The following DOK7 variants were observed in gnomAD, a reference collection of about 807,000 sequenced individuals.
The protein encoded by DOK7 is protein Dok-7.
A neutral mutation model predicts 30.7 loss-of-function variants in DOK7; 32 were observed. The observed-to-expected ratio is 1.04, with a 90% confidence interval of 0.79 to 1.40. DOK7 has a LOEUF of 1.40. Ranked by LOEUF, DOK7 falls within the 40% of genes most tolerant of loss-of-function variation. The pLI is 0.00. For synonymous variants in DOK7, 447 were observed against 324.1 expected (o/e 1.38, Z -4.07); for missense variants, 1,007 against 699.2 (o/e 1.44, Z -4.97).
rs1310694204 is a variant in DOK7, at chr4:3,468,530, C to G, written c.101-4876C>G. ...TGTGTGCGTGTATGAGTGTGTGTGA[C>G]TGTGAGTGTATGTGTGTGTGCCTGT... On this transcript the variant is annotated intron_variant, in intron 2 of 6. Transcript: ENST00000340083. Among the ~76,000 whole-genome samples the G allele has an allele frequency of 2.0e-3, 267 of 132,210 alleles. 1 individual carries two copies. Among genetic ancestry groups the G allele is most frequent in the African/African-American group, 7.9e-3 (254 of 31,958 alleles). 86.7% of individuals were successfully genotyped at this position (132,210 alleles called of 152,430 possible). A position where few individuals can be genotyped will look rare whatever the true frequency, so the allele number is the denominator to read the frequency against.
At chr4:3,491,583 A>AT (rs1728466564) in intron 6 of DOK7, among the ~76,000 whole-genome samples, 2 of 151,730 alleles carry the variant, frequency 1.3e-5, no homozygotes, top group Non-Finnish European at 2.9e-5. Context: ...ATGGTTCCAC[A>AT]TTTACTAAAC....
At chr4:3,496,284 GCTCAT>G (rs148840168), downstream of DOK7, among the ~76,000 whole-genome samples, 1,468 of 152,344 alleles carry the variant, frequency 9.6e-3, 23 homozygotes, top group African/African-American at 0.033. Context: ...AGGGAACTTT[GCTCAT>G]CTCATCTGGG....
downstream of DOK7, among the ~76,000 whole-genome samples, chr4:3,499,080 A>G (rs1729065661): frequency 6.6e-6 from 1 of 152,160 alleles, no homozygotes; most frequent in Non-Finnish European, 1.5e-5. Flanking sequence ...GGCAGAGTGG[A>G]TGTCTGCGGC....
chr4:3,490,088 T>C (rs111978301), intron 6 of DOK7, among the ~76,000 whole-genome samples: 1 of 30,070 alleles, frequency 3.3e-5, no homozygotes, highest in Non-Finnish European at 5.2e-5. Context: ...CTTCACCCCC[T>C]CATTCATTCC....
chr4:3,489,989 C>T (rs1728099480), intron 6 of DOK7, among the ~76,000 whole-genome samples, 193 bp downstream of exon 6: 1 of 140,788 alleles, frequency 7.1e-6, no homozygotes. Flanking sequence ...CCTTCCCCAC[C>T]ACCCTGCTCA....
At chr4:3,500,217 C>T in intron 6 of DOK7, 1 of 1,531,830 alleles carries the variant, frequency 6.5e-7, no homozygotes, top group South Asian at 1.2e-5. Flanking sequence ...CCCTCTCGGT[C>T]CCCACCGGGG....
intron 6 of DOK7, among the ~76,000 whole-genome samples, chr4:3,490,801 G>GCCC (rs151279121): frequency 5.7e-5 from 2 of 35,384 alleles, no homozygotes; most frequent in African/African-American, 1.5e-4. Flanking sequence ...TCCTTCCTCT[G>GCCC]CCCCCCCGCT....
At chr4:3,473,738 G>A (rs1469942082) in intron 3 of DOK7, 102 bp downstream of exon 3, 8 of 1,150,974 alleles carry the variant, frequency 7.0e-6, no homozygotes, top group Admixed American at 2.5e-5. Flanking sequence ...CCAGGGAACC[G>A]TGCAGGAAGA....
chr4:3,499,672 AG>A, intron 6 of DOK7, among the ~76,000 whole-genome samples: 1 of 140,370 alleles, frequency 7.1e-6, no homozygotes, highest in South Asian at 2.2e-4. Flanking sequence ...AGCTCCTATG[AG>A]GGGGGAGAGG....
rs1577152422 is a variant in DOK7 at position 3,476,272 on chromosome 4, C to T, written c.332-70C>T. On this transcript the variant is annotated intron_variant, in intron 3 of 6. Transcript: ENST00000340083. Reference sequence around the variant, plus strand: ...ACCCCACCCGCCCGTGATGCCCTCTCACCCCACCCGCCCGTGATGTCCTCT... The same window carrying T: ...ACCCCACCCGCCCGTGATGCCCTCTTACCCCACCCGCCCGTGATGTCCTCT... 2 of 566,990 alleles carry T rather than the reference C, an allele frequency of 3.5e-6. 1 individual carries two copies. Among genetic ancestry groups the T allele is most frequent in the Non-Finnish European group, 5.2e-6 (2 of 381,304 alleles). 35.1% of individuals were successfully genotyped at this position (566,990 alleles called of 1,614,324 possible).
intron 6 of DOK7, chr4:3,500,222 C>A: frequency 6.5e-7 from 1 of 1,533,404 alleles, no homozygotes; most frequent in Non-Finnish European, 8.7e-7. Context: ...TCGGTCCCCA[C>A]CGGGGCTTCA....
rs914998338 is a variant in DOK7, at chr4:3,489,687, C to T, written c.663C>T (p.Pro221=). Residue 221 remains proline, a synonymous_variant, in exon 6 of 7, where the codon CCC becomes CCT. Transcript: ENST00000340083. ...GLRPVLPDPS[P]PGPSTVEERV... Reference sequence around the variant, plus strand: ...TTCTCTCTGCCACAGACCCAAGTCCCCCGGGACCCTCGACTGTGGAGGAGC... The same window carrying T: ...TTCTCTCTGCCACAGACCCAAGTCCTCCGGGACCCTCGACTGTGGAGGAGC... 3 of 1,565,924 alleles carry T rather than the reference C, an allele frequency of 1.9e-6. No homozygotes were observed. Among genetic ancestry groups the T allele is most frequent in the Non-Finnish European group, 2.6e-6 (3 of 1,155,514 alleles).
intron 3 of DOK7, among the ~76,000 whole-genome samples, chr4:3,474,516 C>G (rs1452626941): frequency 6.6e-6 from 1 of 152,148 alleles, no homozygotes; most frequent in Non-Finnish European, 1.5e-5. Context: ...GAAACCTCGT[C>G]TCTACTAAAA....
intron 5 of DOK7, among the ~76,000 whole-genome samples, chr4:3,489,181 G>GT (rs1728004839): frequency 6.6e-6 from 1 of 152,164 alleles, no homozygotes. Flanking sequence ...CTTGGGCACA[G>GT]TATGAGTCTC....
chr4:3,469,874 C>T (rs1177805554), intron 2 of DOK7, among the ~76,000 whole-genome samples: 2 of 152,202 alleles, frequency 1.3e-5, no homozygotes, highest in African/African-American at 2.4e-5. Context: ...CGTCAGCTGC[C>T]GGAGAAGCTT....
Position 3,476,386 on chromosome 4 carries a change from A to G in DOK7, c.376A>G (p.Ser126Gly), listed in dbSNP as rs765631762. The change falls in exon 4 of 7, where the codon AGC (serine) becomes GGC (glycine). Residue 126 changes from serine (S) to glycine (G), a missense_variant. Physicochemically the swap from Ser to Gly is moderately conservative, Grantham distance 56 (BLOSUM62 0). Transcript: ENST00000340083. ...AGTGGCTCCAGGCACCAAGTTGGAGAGCGGCCCGGCTACCCTGCACCTCTG... is the reference window on the plus strand; with the variant it reads ...AGTGGCTCCAGGCACCAAGTTGGAGGGCGGCCCGGCTACCCTGCACCTCTG... ...VTVAPGTKLESGPATLHLCND... is the reference protein window; with the variant it reads ...VTVAPGTKLEGGPATLHLCND... The G allele has an allele frequency of 6.2e-7, 1 of 1,612,312 alleles. No homozygotes were observed. Among genetic ancestry groups the G allele is most frequent in the Admixed American group, 1.7e-5 (1 of 59,934 alleles).
intron 6 of DOK7, among the ~76,000 whole-genome samples, chr4:3,490,933 T>TCCCCTGCTCATTCATTCCTTCTC (rs1159667064): frequency 3.3e-5 from 3 of 91,010 alleles, no homozygotes; most frequent in Non-Finnish European, 6.6e-5. Context: ...CCTTCCTTCT[T>TCCCCTGCTCATTCATTCCTTCTC]CCCCTGCTCA....
In DOK7 at chr4:3,482,452, G is replaced by A. The variant is rs552746383; in HGVS notation, c.533-3087G>A. Reference sequence around the variant, plus strand: ...TAGGACACCTTGGGCTTCTCAATAGGTTCCAAGAGAGCAGAAGCTGCCAGG... The same window carrying A: ...TAGGACACCTTGGGCTTCTCAATAGATTCCAAGAGAGCAGAAGCTGCCAGG... On this transcript the variant is annotated intron_variant, in intron 4 of 6. Coordinates refer to ENST00000340083, the MANE Select transcript of DOK7 (RefSeq NM_173660.5). 3.9e-5 allele frequency among the ~76,000 whole-genome samples: 6 copies of A among 152,364 alleles called. No individual in the cohort carries two copies. In the East Asian group the frequency reaches 1.2e-3, roughly 29 times the overall value.
chr4:3,495,995 G>A (rs1193933999), downstream of DOK7, among the ~76,000 whole-genome samples: 1 of 152,134 alleles, frequency 6.6e-6, no homozygotes, highest in Non-Finnish European at 1.5e-5. Context: ...CCCCATTTCC[G>A]GCCTCCCAGC....
Sources: gnomAD v4.1 joint callset for allele counts (sites outside exome capture counted in the v4.1 genomes callset) on GRCh38, gnomAD v4.1.1 for gene constraint, MANE v1.5 for transcripts, NCBI Gene and HGNC (gene_info 2026-07-23, HGNC 2026-07-21) for gene names.